The following ADAMTSL1 variants were observed in gnomAD, a reference collection of about 807,000 sequenced individuals.
The protein encoded by ADAMTSL1 is ADAMTS-like protein 1.
ADAMTSL1 carries 126 observed loss-of-function variants against 201.8 expected under a neutral mutation model. The observed-to-expected ratio is 0.62, with a 90% CI of 0.54 to 0.72. ADAMTSL1 has a LOEUF of 0.72. Ranked by LOEUF, ADAMTSL1 falls within the 30% of genes least tolerant of loss-of-function variation. The pLI is 0.00. For synonymous variants in ADAMTSL1, 1,121 were observed against 903.4 expected, an observed-to-expected ratio of 1.24 and a Z score of -4.32; for missense variants, 2,679 against 2,277.8, an observed-to-expected ratio of 1.18 and a Z score of -3.59.
At chr9:18,583,902 T>C (rs765504419) in intron 4 of ADAMTSL1, among the ~76,000 whole-genome samples, 12 of 152,210 alleles carry the variant, frequency 7.9e-5, no homozygotes, top group Non-Finnish European at 1.2e-4. Context: ...ACCAAATGCC[T>C]GTATCCCCAT....
chr9:18,756,284 A>C (rs932827531), intron 16 of ADAMTSL1, among the ~76,000 whole-genome samples: 3 of 37,978 alleles, frequency 7.9e-5, no homozygotes, highest in African/African-American at 2.2e-4. Flanking sequence ...GTCTCGACAA[A>C]AAAAAAAAAA....
chr9:18,430,414 C>G (rs1819435930), intron 2 of ADAMTSL1, among the ~76,000 whole-genome samples: 1 of 152,160 alleles, frequency 6.6e-6, no homozygotes, highest in African/African-American at 2.4e-5. Context: ...GGTTGCTAAT[C>G]CAGAAGAATG....
intron 1 of ADAMTSL1, among the ~76,000 whole-genome samples, chr9:18,117,196 A>G (rs535772231): frequency 8.5e-5 from 13 of 152,282 alleles, no homozygotes; most frequent in Admixed American, 2.6e-4. Context: ...GCCATTCTCT[A>G]GCAGTCAAAG....
chr9:18,893,272 T>G (rs898848051), intron 26 of ADAMTSL1, among the ~76,000 whole-genome samples: 3 of 152,118 alleles, frequency 2.0e-5, no homozygotes, highest in African/African-American at 7.2e-5. Context: ...TTATTGGCAG[T>G]TTGTAAAATT....
chr9:18,279,488 C>T (rs943091227), intron 2 of ADAMTSL1, among the ~76,000 whole-genome samples: 2 of 151,338 alleles, frequency 1.3e-5, no homozygotes, highest in Non-Finnish European at 2.9e-5. Context: ...GATCCTCTGA[C>T]CTTGCTTTTG....
At chr9:18,102,253 T>G (rs1227548812) in intron 1 of ADAMTSL1, among the ~76,000 whole-genome samples, 1 of 152,236 alleles carries the variant, frequency 6.6e-6, no homozygotes, top group East Asian at 1.9e-4. Flanking sequence ...TTATTTCTTT[T>G]TATTTACAGT....
At chr9:18,579,571 A>G (rs1176302689) in intron 4 of ADAMTSL1, among the ~76,000 whole-genome samples, 1 of 152,174 alleles carries the variant, frequency 6.6e-6, no homozygotes, top group Non-Finnish European at 1.5e-5. Flanking sequence ...ATTGTACCCA[A>G]GTTATGTCTT....
intron 2 of ADAMTSL1, among the ~76,000 whole-genome samples, chr9:18,462,409 G>A (rs919610891): frequency 6.6e-6 from 1 of 152,156 alleles, no homozygotes; most frequent in Non-Finnish European, 1.5e-5. Context: ...AAATGGAAAT[G>A]GTTCCTGTCC....
intron 2 of ADAMTSL1, among the ~76,000 whole-genome samples, chr9:18,516,749 T>G (rs908606575): frequency 1.3e-5 from 2 of 152,236 alleles, no homozygotes; most frequent in African/African-American, 4.8e-5. Flanking sequence ...AAATATTTGT[T>G]GAACAGATAT....
intron 2 of ADAMTSL1, among the ~76,000 whole-genome samples, chr9:18,285,707 T>A (rs1832966563): frequency 6.6e-6 from 1 of 152,130 alleles, no homozygotes; most frequent in South Asian, 2.1e-4. Flanking sequence ...TTGAATGGTT[T>A]AATTCTTACT....
chr9:18,241,471 G>C (rs559508849), intron 2 of ADAMTSL1, among the ~76,000 whole-genome samples: 1 of 152,120 alleles, frequency 6.6e-6, no homozygotes, highest in African/African-American at 2.4e-5. Flanking sequence ...TTGCAGTAGA[G>C]CCTTCCTTTC....
chr9:18,604,291 T>C (rs537205772), intron 4 of ADAMTSL1, among the ~76,000 whole-genome samples: 9 of 152,288 alleles, frequency 5.9e-5, no homozygotes, highest in African/African-American at 2.2e-4. Flanking sequence ...AAAGAGTTAT[T>C]AGCACAAAGC....
intron 15 of ADAMTSL1, among the ~76,000 whole-genome samples, chr9:18,744,896 T>A (rs1365456909): frequency 6.6e-6 from 1 of 152,198 alleles, no homozygotes; most frequent in African/African-American, 2.4e-5. Context: ...TGTGTTTGCT[T>A]GATGTTTTCT....
intron 22 of ADAMTSL1, among the ~76,000 whole-genome samples, chr9:18,828,502 G>C (rs1224070361): frequency 6.6e-6 from 1 of 151,250 alleles, no homozygotes; most frequent in Admixed American, 6.6e-5. Context: ...AGAGATCTTA[G>C]AAAGGAACCT....
chr9:18,140,277 C>T (rs1000972586), intron 1 of ADAMTSL1, among the ~76,000 whole-genome samples: 2 of 152,020 alleles, frequency 1.3e-5, no homozygotes, highest in Non-Finnish European at 2.9e-5. Context: ...TGCTGATGGC[C>T]CCCAAGACCA....
intron 15 of ADAMTSL1, among the ~76,000 whole-genome samples, chr9:18,737,552 T>C (rs1818586136): frequency 6.6e-6 from 1 of 152,150 alleles, no homozygotes; most frequent in East Asian, 1.9e-4. Context: ...GCACTATTAG[T>C]CCTATCGATA....
At chr9:18,845,035 ACTGCACCCACTGTC>A (rs1478090927) in intron 23 of ADAMTSL1, among the ~76,000 whole-genome samples, 1 of 152,134 alleles carries the variant, frequency 6.6e-6, no homozygotes, top group Admixed American at 6.5e-5. Flanking sequence ...TGCACGGTGC[ACTGCACCCACTGTC>A]CTGCACCCAC....
intron 2 of ADAMTSL1, among the ~76,000 whole-genome samples, chr9:18,328,862 A>T (rs951217542): frequency 1.3e-5 from 2 of 152,182 alleles, no homozygotes; most frequent in Non-Finnish European, 2.9e-5. Flanking sequence ...AAATGACAGG[A>T]TGTCCCCAAA....
intron 23 of ADAMTSL1, among the ~76,000 whole-genome samples, chr9:18,847,662 G>T (rs1284120579): frequency 7.5e-6 from 1 of 133,564 alleles, no homozygotes; most frequent in African/African-American, 2.5e-5. Flanking sequence ...GGAGAGAGAA[G>T]AGAGGAGAAG....
Sources: gnomAD v4.1 joint callset for allele counts (sites outside exome capture counted in the v4.1 genomes callset) on GRCh38, gnomAD v4.1.1 for gene constraint, MANE v1.5 for transcripts, NCBI Gene and HGNC (gene_info 2026-07-23, HGNC 2026-07-21) for gene names.